Variants in PP2D1 observed in about 807,000 individuals in gnomAD.
PP2D1 encodes protein phosphatase 2C-like domain-containing protein 1.
PP2D1 carries 25 observed loss-of-function variants against 30.2 expected under a neutral mutation model. The observed-to-expected ratio is 0.83, with a 90% CI of 0.60 to 1.16. The LOEUF is 1.16. Ranked by LOEUF, PP2D1 falls within the 50% of genes most tolerant of loss-of-function variation. The pLI, the probability that PP2D1 is intolerant of heterozygous loss-of-function variation, is 0.00. For synonymous variants in PP2D1, 260 were observed against 258.9 expected (o/e 1.00, Z -0.04); for missense variants, 760 against 742.4 (o/e 1.02, Z -0.28).
At chr3:19,993,689 A>G (rs1697143839) in intron 2 of PP2D1, among the ~76,000 whole-genome samples, 1 of 151,918 alleles carries the variant, frequency 6.6e-6, no homozygotes, top group Non-Finnish European at 1.5e-5. Flanking sequence ...GCAGTGAGCC[A>G]AGATCGAGCC....
At chr3:19,992,600 GAATGAAGACAGAAAGGTCCACATAAA>G (rs1186869010) in intron 2 of PP2D1, among the ~76,000 whole-genome samples, 1 of 146,134 alleles carries the variant, frequency 6.8e-6, no homozygotes, top group Non-Finnish European at 1.6e-5. Flanking sequence ...CATTAGTGAT[GAATGAAGACAGAAAGGTCCACATAAA>G]AATGAAGATA....
intron 2 of PP2D1, among the ~76,000 whole-genome samples, chr3:19,989,933 G>A (rs1487550094): frequency 1.3e-5 from 2 of 152,064 alleles, no homozygotes; most frequent in Non-Finnish European, 2.9e-5. Context: ...TGGAAGGATG[G>A]TAAACAGGTT....
chr3:19,980,563 A>G (rs1171829268), downstream of PP2D1, among the ~76,000 whole-genome samples: 1 of 151,988 alleles, frequency 6.6e-6, no homozygotes, highest in Admixed American at 6.6e-5. Flanking sequence ...TACTCGTTCT[A>G]GTTTACCTCC....
chr3:19,996,950 A>G, intron 2 of PP2D1: 1 of 151,886 alleles, frequency 6.6e-6, no homozygotes, highest in Non-Finnish European at 1.5e-5. Context: ...TTACCAACAG[A>G]ATGAAGGAGA....
intron 2 of PP2D1, among the ~76,000 whole-genome samples, chr3:19,994,795 GAT>G (rs1254606067): frequency 7.2e-5 from 11 of 152,296 alleles, no homozygotes; most frequent in Admixed American, 7.2e-4. Flanking sequence ...GAGTATTCCA[GAT>G]ATCTTTCGAG....
chr3:20,012,109 TC>T lies in PP2D1; in HGVS notation c.-38del, dbSNP rs1697395819. On this transcript the variant is annotated 5_prime_UTR_variant, in exon 1 of 3. An upstream open reading frame in the 5' UTR loses its in-frame stop. Transcript: ENST00000389050. ...ATTACCTTTCTTTGCCCTCCCTTTA[TC>T]CCCTTCCCCTGGCCTCTATTTCTCC... 2.0e-6 allele frequency: 3 copies of T among 1,508,718 alleles called. No homozygotes were observed. Among genetic ancestry groups the T allele is most frequent in the Non-Finnish European group, 2.7e-6 (3 of 1,124,038 alleles). The allele number at this position is 1,508,718 out of a possible 1,614,324, so 93.5% of individuals were successfully genotyped here.
chr3:19,990,753 ATTT>A (rs34466477), intron 2 of PP2D1, among the ~76,000 whole-genome samples: 5 of 140,062 alleles, frequency 3.6e-5, no homozygotes, highest in Admixed American at 7.3e-5. Flanking sequence ...TTAGAGGAAG[ATTT>A]TTTTTTTTTT....
intron 2 of PP2D1, among the ~76,000 whole-genome samples, chr3:19,993,166 G>A (rs889552021): frequency 6.6e-6 from 1 of 152,140 alleles, no homozygotes; most frequent in Admixed American, 6.6e-5. Context: ...AGAAATAAAA[G>A]TAGTTTACAG....
downstream of PP2D1, chr3:19,984,308 A>T (rs1328459176): frequency 2.4e-6 from 1 of 425,272 alleles, no homozygotes; most frequent in Non-Finnish European, 4.6e-6. Flanking sequence ...TGTATTTAAA[A>T]TGTACATTCC....
At chr3:19,989,189 G>A (rs1697082992) in intron 2 of PP2D1, among the ~76,000 whole-genome samples, 3 of 151,666 alleles carry the variant, frequency 2.0e-5, no homozygotes, top group Admixed American at 6.6e-5. Flanking sequence ...AAAATTAGCC[G>A]GGCGTGATGG....
In PP2D1 at chr3:20,001,124, C is replaced by G; in HGVS notation, c.996G>C (p.Trp332Cys). Residue 332 changes from tryptophan (W) to cysteine (C), a missense_variant, in exon 2 of 3, where the codon TGG (tryptophan) becomes TGC (cysteine). Physicochemically the swap from Trp to Cys is radical, Grantham distance 215 (BLOSUM62 -2). Transcript: ENST00000389050. ...KPKSPYAHKN[W>C]KRKNTHDGLA... ...ACCCATCATGGGTATTTTTTCTTTT[C>G]CAATTCTTATGAGCATAAGGACTTT... 1 of 1,430,054 alleles carries G rather than the reference C, an allele frequency of 7.0e-7. No homozygotes were observed. The highest frequency in any genetic ancestry group is 9.1e-7 in the Non-Finnish European group (1 of 1,094,380). The allele number at this position is 1,430,054 out of a possible 1,614,324, so 88.6% of individuals were successfully genotyped here.
downstream of PP2D1, chr3:19,983,811 T>C (rs750044135): frequency 1.3e-6 from 2 of 1,597,524 alleles, no homozygotes; most frequent in African/African-American, 1.3e-5. Flanking sequence ...GGAATCAGTG[T>C]TGTAGTAACT....
chr3:20,000,287 CGAG>C (rs1559498793), intron 2 of PP2D1, among the ~76,000 whole-genome samples: 2 of 151,938 alleles, frequency 1.3e-5, no homozygotes, highest in Non-Finnish European at 2.9e-5. Flanking sequence ...TAAGACTAGA[CGAG>C]GAAATTACTC....
chr3:19,990,575 A>G (rs1697104528), intron 2 of PP2D1, among the ~76,000 whole-genome samples: 1 of 152,232 alleles, frequency 6.6e-6, no homozygotes, highest in South Asian at 2.1e-4. Context: ...CAGGAAGACT[A>G]CTAATGGAAC....
intron 2 of PP2D1, among the ~76,000 whole-genome samples, chr3:19,989,306 T>A (rs760881127): frequency 2.0e-5 from 3 of 152,198 alleles, no homozygotes; most frequent in Non-Finnish European, 4.4e-5. Flanking sequence ...CACTTCAGTC[T>A]GCGCGACAGA....
intron 1 of PP2D1, chr3:20,007,966 G>A (rs962719109): frequency 9.0e-6 from 2 of 222,046 alleles, no homozygotes; most frequent in South Asian, 8.2e-5. Context: ...TCCTTAACTC[G>A]ATAGCCAGAT....
chr3:20,011,064 G>C (rs984000149), intron 1 of PP2D1, among the ~76,000 whole-genome samples: 5 of 152,094 alleles, frequency 3.3e-5, no homozygotes, highest in Admixed American at 1.3e-4. Context: ...GGAATGGTGT[G>C]ATGAGACCTA....
Position 19,985,564 on chromosome 3 carries a change from C to A in PP2D1, c.1709G>T (p.Arg570Ile). The A allele has an allele frequency of 6.5e-7, 1 of 1,536,024 alleles. No individual in the cohort carries two copies. Among genetic ancestry groups the A allele is most frequent in the South Asian group, 1.2e-5 (1 of 84,050 alleles). The stretch of plus-strand genomic sequence containing the variant: ...TGCCACATCATTTACACTAGTTGGT[C>A]TGTCAGTTACTTTTTCACTGCAAGG... ...RKPCSEKVTD[R>I]PTSVNDVATN... The change falls in exon 3 of 3, where the codon AGA becomes ATA. Residue 570 changes from arginine to isoleucine, a missense_variant. By Grantham distance (97) the Arg-to-Ile change is moderately conservative (BLOSUM62 -3). Coordinates refer to ENST00000389050, the MANE Select transcript of PP2D1 (RefSeq NM_001252657.2).
intron 1 of PP2D1, among the ~76,000 whole-genome samples, chr3:20,007,115 G>T (rs1221493607): frequency 6.6e-6 from 1 of 151,650 alleles, no homozygotes; most frequent in Non-Finnish European, 1.5e-5. Flanking sequence ...CAAGTGATCC[G>T]CCCAGCTCTG....
Sources: gnomAD v4.1 joint callset for allele counts (sites outside exome capture counted in the v4.1 genomes callset) on GRCh38, gnomAD v4.1.1 for gene constraint, MANE v1.5 for transcripts, NCBI Gene and HGNC (gene_info 2026-07-23, HGNC 2026-07-21) for gene names.